PAPSS2: variants seen among roughly 807,000 people sequenced by gnomAD.
The protein encoded by PAPSS2 is 3'-phosphoadenosine 5'-phosphosulfate synthase 2, also known as bifunctional 3'-phosphoadenosine 5'-phosphosulfate synthase 2.
Under a neutral mutation model 66.5 loss-of-function variants are expected in PAPSS2, and 61 were observed. The observed-to-expected ratio is 0.92, with a 90% CI of 0.75 to 1.14. The LOEUF is 1.14. Ranked by LOEUF, PAPSS2 falls within the 50% of genes most tolerant of loss-of-function variation. PAPSS2 has a pLI of 0.00. For synonymous variants in PAPSS2, 289 were observed against 287.5 expected (o/e 1.01, Z -0.05); for missense variants, 708 against 789.6 (o/e 0.90, Z 1.24).
In PAPSS2 at chr10:87,727,446, C is replaced by G. The variant is rs749210631; in HGVS notation, c.1043C>G (p.Ser348Cys). 1.2e-6 allele frequency: 2 copies of G among 1,613,962 alleles called. No homozygotes were observed. Among genetic ancestry groups the G allele is most frequent in the South Asian group, 1.1e-5 (1 of 91,076 alleles). Residue 348 changes from serine to cysteine, a missense_variant, in exon 9 of 13, where the codon TCC becomes TGC. By Grantham distance (112) the Ser-to-Cys change is moderately radical. Transcript: ENST00000456849. ...FYEHRKEERC[S>C]RVWGTTCTKH... is the part of the protein sequence containing the mutation. ...GAACACAGAAAAGAGGAACGCTGTT[C>G]CCGTGTTTGGGGGACAACATGTACA... is the stretch of plus-strand genomic sequence containing the variant.
At chr10:87,721,845 C>A in intron 8 of PAPSS2, 75 bp downstream of exon 8, 2 of 876,558 alleles carry the variant, frequency 2.3e-6, no homozygotes, top group South Asian at 1.7e-5. Flanking sequence ...TGGTTAAGAA[C>A]ATAACTAAAA....
chr10:87,679,601 A>G (rs1410389515), intron 1 of PAPSS2, among the ~76,000 whole-genome samples: 8 of 152,244 alleles, frequency 5.3e-5, no homozygotes, highest in African/African-American at 1.9e-4. Context: ...TAAAAATTAC[A>G]TGCCAATTTT....
chr10:87,743,353 C>T lies in PAPSS2; in HGVS notation c.1223-20C>T. 6.2e-7 allele frequency: 1 copy of T among 1,612,446 alleles called. No individual in the cohort carries two copies. The highest frequency in any genetic ancestry group is 8.5e-7 in the Non-Finnish European group (1 of 1,179,748). On this transcript the variant is annotated intron_variant, in intron 10 of 12. Coordinates refer to ENST00000456849, the MANE Select transcript of PAPSS2 (RefSeq NM_001015880.2). The stretch of plus-strand genomic sequence containing the variant: ...ACCATGTGTTTCTGTGACCTTCCTT[C>T]TTCTGCTTTCCTCTCCCAGATGCGG...
At chr10:87,709,384 T>G in intron 2 of PAPSS2, 71 bp downstream of exon 2, 1 of 927,128 alleles carries the variant, frequency 1.1e-6, no homozygotes, top group Non-Finnish European at 1.8e-6. Flanking sequence ...TTTATGGAAA[T>G]TAGTGTAACG....
At chr10:87,665,214 AC>A in intron 1 of PAPSS2, among the ~76,000 whole-genome samples, 1 of 111,598 alleles carries the variant, frequency 9.0e-6, no homozygotes, top group African/African-American at 3.2e-5. Context: ...TGAATTTACC[AC>A]TTTTTTTTTT....
In PAPSS2 at chr10:87,746,037, G is replaced by A; in HGVS notation, c.*67G>A. On this transcript the variant is annotated 3_prime_UTR_variant, in exon 13 of 13. Coordinates refer to ENST00000456849, the MANE Select transcript of PAPSS2 (RefSeq NM_001015880.2). ...ACCTTTTCTATTTTTATGATTAGAT[G>A]CTTTGTATTAAATTGCTTCTCAATG... The A allele has an allele frequency of 1.4e-6, 2 of 1,472,774 alleles. No homozygotes were observed. The highest frequency in any genetic ancestry group is 1.7e-5 in the Admixed American group (1 of 59,152). The allele number at this position is 1,472,774 out of a possible 1,614,324, so 91.2% of individuals were successfully genotyped here.
At chr10:87,684,510 GCTATAGATTATTTGCTT>G (rs1564711682) in intron 1 of PAPSS2, among the ~76,000 whole-genome samples, 1 of 152,200 alleles carries the variant, frequency 6.6e-6, no homozygotes, top group African/African-American at 2.4e-5. Flanking sequence ...GTCTTTGAAC[GCTATAGATTATTTGCTT>G]TGCTGGTTTT....
intron 9 of PAPSS2, among the ~76,000 whole-genome samples, chr10:87,728,969 A>T (rs543542023): frequency 5.9e-5 from 9 of 152,136 alleles, no homozygotes; most frequent in South Asian, 2.1e-4. Flanking sequence ...TTTATTTTTT[A>T]AAAATTTTTA....
chr10:87,660,951 G>T (rs1014589716), intron 1 of PAPSS2: 6 of 455,648 alleles, frequency 1.3e-5, no homozygotes, highest in African/African-American at 1.0e-4. Context: ...TTTGGCCGCT[G>T]AACATTCTAT....
intron 1 of PAPSS2, among the ~76,000 whole-genome samples, chr10:87,675,031 C>G (rs927344344): frequency 2.6e-5 from 4 of 152,200 alleles, no homozygotes; most frequent in African/African-American, 9.7e-5. Flanking sequence ...AGACCCATAT[C>G]TAGGAACTGC....
At position 87,707,560 on chromosome 10, in the gene PAPSS2, TTTTC is replaced by T. The variant is rs1370452537; in HGVS notation, c.28-1632_28-1629del. On this transcript the variant is annotated intron_variant, in intron 1 of 12. Coordinates refer to ENST00000456849, the MANE Select transcript of PAPSS2 (RefSeq NM_001015880.2). ...AAAGAGGTGAGTTTTCATTTCTTTT[TTTTC>T]TTTTTTTTTTTTTTTTTTTTTTTGA... Among the ~76,000 whole-genome samples, 5 of 142,256 alleles carry T rather than the reference TTTTC, an allele frequency of 3.5e-5. No homozygotes were observed. The South Asian group carries it at 9.2e-4, about 26-fold the overall frequency. 93.3% of individuals were successfully genotyped at this position (142,256 alleles called of 152,430 possible).
intron 1 of PAPSS2, among the ~76,000 whole-genome samples, chr10:87,706,098 ATATATATATATGTGTGTGTG>A (rs1416978809): frequency 1.3e-4 from 11 of 83,388 alleles, no homozygotes; most frequent in Admixed American, 4.9e-4. Context: ...ATATATATAT[ATATATATATATGTGTGTGTG>A]TGTGTGTGTG....
Position 87,715,813 on chromosome 10 carries a change from C to G in PAPSS2, c.835C>G (p.Gln279Glu). 1 of 1,610,538 alleles carries G rather than the reference C, an allele frequency of 6.2e-7. No homozygotes were observed. Among genetic ancestry groups the G allele is most frequent in the Non-Finnish European group, 8.5e-7 (1 of 1,176,826 alleles). Reference protein sequence around the residue: ...KGFMREKEYLQVMHFDTLLDG... With the variant: ...KGFMREKEYLEVMHFDTLLDG... ...TTTCATGCGGGAGAAGGAGTACTTA[C>G]AGGTTATGCACTTTGACACCCTGCT... The change falls in exon 7 of 13, where the codon CAG becomes GAG. Residue 279 changes from glutamine to glutamate, a missense_variant. Physicochemically the swap from Gln to Glu is conservative, Grantham distance 29. Coordinates refer to ENST00000456849, the MANE Select transcript of PAPSS2 (RefSeq NM_001015880.2).
rs1853943773 is a variant in PAPSS2 at position 87,746,586 on chromosome 10, CCTATTT to C, written c.*619_*624del. ...AATTTTATCTTAGAGATCTGTGCAG[CCTATTT>C]CTGTCACAAAAGTTATATTGTCTAA... is the stretch of plus-strand genomic sequence containing the variant. On this transcript the variant is annotated 3_prime_UTR_variant, in exon 13 of 13. Transcript: ENST00000456849. 6.6e-6 allele frequency: 1 copy of C among 152,136 alleles called. No homozygotes were observed. Among genetic ancestry groups the C allele is most frequent in the Non-Finnish European group, 1.5e-5 (1 of 68,094 alleles). The allele number at this position is 152,136 out of a possible 1,614,324, so 9.4% of individuals were successfully genotyped here. A position where few individuals can be genotyped will look rare whatever the true frequency, so the allele number is the denominator to read the frequency against.
chr10:87,710,258 G>A lies in PAPSS2; in HGVS notation c.145+945G>A, dbSNP rs118005959. On this transcript the variant is annotated intron_variant, in intron 2 of 12. Transcript: ENST00000456849. ...TTCTGTCCCAACTGGCCTCATTCTT[G>A]TACTCTTCAAGTTTTTGCCTTGTGC... Among the ~76,000 whole-genome samples, 893 of 152,220 alleles carry A rather than the reference G, an allele frequency of 5.9e-3. 4 individuals are homozygous for A. The highest frequency in any genetic ancestry group is 0.01 in the Middle Eastern group (3 of 294).
rs1464201476 is a variant in PAPSS2, at chr10:87,743,646, G to C, written c.1491+5G>C. 6.2e-7 allele frequency: 1 copy of C among 1,614,148 alleles called. No individual in the cohort carries two copies. The highest frequency in any genetic ancestry group is 2.2e-5 in the East Asian group (1 of 44,874). ...TTATATGCTGGCCCCACAGAGGTGAGCAATTCCCAGAGCTGGGCTTTGAGA... is the reference window on the plus strand; with the variant it reads ...TTATATGCTGGCCCCACAGAGGTGACCAATTCCCAGAGCTGGGCTTTGAGA... On this transcript the variant is annotated splice_donor_5th_base_variant and intron_variant, in intron 11 of 12. Coordinates refer to ENST00000456849, the MANE Select transcript of PAPSS2 (RefSeq NM_001015880.2).
In PAPSS2 at chr10:87,663,049, C is replaced by T. The variant is rs141413536; in HGVS notation, c.27+3041C>T. On this transcript the variant is annotated intron_variant, in intron 1 of 12. Transcript: ENST00000456849. ...ACCACCATCATGCCCTGCTAATTAC[C>T]TTTTCCTTATTTTCAGAATTGTGCA... is the stretch of plus-strand genomic sequence containing the variant. 3.4e-4 allele frequency among the ~76,000 whole-genome samples: 50 copies of T among 145,624 alleles called. 1 individual carries two copies. The East Asian group carries it at 9.7e-3, about 28-fold the overall frequency.
intron 9 of PAPSS2, among the ~76,000 whole-genome samples, chr10:87,734,663 G>GTGTGTA (rs1491455056): frequency 1.2e-5 from 1 of 81,098 alleles, no homozygotes; most frequent in Non-Finnish European, 2.2e-5. Context: ...GAATGTGTGT[G>GTGTGTA]TATATATATA....
At chr10:87,696,183 G>A (rs1393943076) in intron 1 of PAPSS2, among the ~76,000 whole-genome samples, 5 of 152,068 alleles carry the variant, frequency 3.3e-5, no homozygotes, top group African/African-American at 1.2e-4. Flanking sequence ...GGATTATTTG[G>A]TCCAAAAATA....
Sources: gnomAD v4.1 joint callset for allele counts (sites outside exome capture counted in the v4.1 genomes callset) on GRCh38, gnomAD v4.1.1 for gene constraint, MANE v1.5 for transcripts, NCBI Gene and HGNC (gene_info 2026-07-23, HGNC 2026-07-21) for gene names.